CTH: variants seen among roughly 807,000 people sequenced by gnomAD.
CTH encodes the protein cystathionine gamma-lyase.
A neutral mutation model predicts 50.6 loss-of-function variants in CTH; 41 were observed. The observed-to-expected ratio is 0.81, with a 90% CI of 0.63 to 1.05. The LOEUF (loss-of-function observed/expected upper bound fraction) is 1.05. Among genes scored for constraint, CTH ranks in the 50% least tolerant of loss-of-function variants. The probability of loss-of-function intolerance (pLI) is 0.00; values close to 1 mark genes in which losing one functional copy is unlikely to be tolerated. For synonymous variants in CTH, 156 were observed against 168.9 expected, an observed-to-expected ratio of 0.92 and a Z score of 0.59; for missense variants, 470 against 492.6, an observed-to-expected ratio of 0.95 and a Z score of 0.43.
At chr1:70,412,213 A>G (rs1230243516) in intron 1 of CTH, among the ~76,000 whole-genome samples, 1 of 152,210 alleles carries the variant, frequency 6.6e-6, no homozygotes, top group Non-Finnish European at 1.5e-5. Flanking sequence ...TGCTTTAGGA[A>G]CCAACTCCTA....
intron 6 of CTH, 124 bp downstream of exon 6, chr1:70,429,975 A>C (rs555788196): frequency 1.4e-6 from 1 of 710,370 alleles, no homozygotes; most frequent in African/African-American, 1.8e-5. Flanking sequence ...AGAGAGTAAA[A>C]AAAAAAATCC....
rs777723682 is a variant in CTH at position 70,411,546 on chromosome 1, C to T, written c.131C>T (p.Ser44Phe). Reference protein sequence around the residue: ...SRAVVPPISLSTTFKQGAPGQ... With the variant: ...SRAVVPPISLFTTFKQGAPGQ... ...GCTGTAGTGCCCCCCATCTCACTGT[C>T]CACCACGTTCAAGCAAGGGGCGCCT... The change falls in exon 1 of 12, where the codon TCC (serine) becomes TTC (phenylalanine). Residue 44 changes from serine to phenylalanine, a missense_variant. Transcript: ENST00000370938. The T allele has an allele frequency of 1.2e-6, 2 of 1,614,146 alleles. No homozygotes were observed. Among genetic ancestry groups the T allele is most frequent in the East Asian group, 4.5e-5 (2 of 44,884 alleles).
Position 70,432,126 on chromosome 1 carries a change from T to C in CTH, c.768T>C (p.Asn256=). Residue 256 remains asparagine (N), a synonymous_variant, in exon 8 of 12, where the codon AAT becomes AAC. Coordinates refer to ENST00000370938, the MANE Select transcript of CTH (RefSeq NM_001902.6). ...CTCCTATTGATTGTTACCTCTGCAA[T>C]CGAGGTCTGAAGACTCTACATGTCC... ...VPSPIDCYLC[N]RGLKTLHVRM... is the part of the protein sequence containing the mutation. The C allele has an allele frequency of 6.2e-7, 1 of 1,614,150 alleles. No homozygotes were observed. The highest frequency in any genetic ancestry group is 8.5e-7 in the Non-Finnish European group (1 of 1,180,006).
At chr1:70,414,494 CAA>C (rs969405937) in intron 1 of CTH, among the ~76,000 whole-genome samples, 2 of 139,158 alleles carry the variant, frequency 1.4e-5, no homozygotes, top group African/African-American at 2.6e-5. Flanking sequence ...GACTCCCTTT[CAA>C]AAAAAAAAAA....
rs958031563 is a variant in CTH at position 70,438,792 on chromosome 1, T to C, written c.1157T>C (p.Leu386Pro). 1 of 1,613,814 alleles carries C rather than the reference T, an allele frequency of 6.2e-7. No individual in the cohort carries two copies. Among genetic ancestry groups the C allele is most frequent in the Non-Finnish European group, 8.5e-7 (1 of 1,179,988 alleles). The change falls in exon 11 of 12, where the codon CTA becomes CCA. Residue 386 changes from leucine (L) to proline (P), a missense_variant. Leu to Pro is a moderately conservative substitution (Grantham distance 98). Transcript: ENST00000370938. ...LSVGLEDEED[L>P]LEDLDQALKA... ...GTGGGCTTAGAGGATGAGGAAGACC[T>C]ACTGGAAGATCTAGATCAAGCTTTG...
intron 3 of CTH, among the ~76,000 whole-genome samples, chr1:70,419,839 A>C (rs1272596406): frequency 6.6e-6 from 1 of 152,240 alleles, no homozygotes; most frequent in Non-Finnish European, 1.5e-5. Flanking sequence ...AATTTTGTGA[A>C]TATACATATA....
rs1400050175 is a variant in CTH at position 70,438,743 on chromosome 1, A to G, written c.1108A>G (p.Ser370Gly). 10 of 1,614,072 alleles carry G rather than the reference A, an allele frequency of 6.2e-6. No homozygotes were observed. Among genetic ancestry groups the G allele is most frequent in the Non-Finnish European group, 8.5e-6 (10 of 1,180,006 alleles). The change falls in exon 11 of 12, where the codon AGT becomes GGT. Residue 370 changes from serine to glycine, a missense_variant. Transcript: ENST00000370938. ...GAATGACAGAGATGTCCTTGGAATT[A>G]GTGACACACTGATTCGACTTTCTGT... ...LKNDRDVLGI[S>G]DTLIRLSVGL...
At chr1:70,420,883 A>C (rs1684204851) in intron 3 of CTH, among the ~76,000 whole-genome samples, 1 of 152,156 alleles carries the variant, frequency 6.6e-6, no homozygotes. Context: ...ACCTAGGGTC[A>C]GTCTACATAC....
chr1:70,411,867 G>A (rs1447727510), intron 1 of CTH, among the ~76,000 whole-genome samples: 1 of 152,180 alleles, frequency 6.6e-6, no homozygotes, highest in East Asian at 1.9e-4. Context: ...AAAAATCGAA[G>A]GTCATAACTT....
chr1:70,436,754 T>C (rs1481285149), intron 10 of CTH, among the ~76,000 whole-genome samples: 1 of 152,138 alleles, frequency 6.6e-6, no homozygotes, highest in Non-Finnish European at 1.5e-5. Context: ...AGATGCCTGC[T>C]AGTAAGTTTG....
At chr1:70,438,490 T>C (rs549087483) in intron 10 of CTH, among the ~76,000 whole-genome samples, 198 bp from the exon 11 acceptor site, 1 of 152,324 alleles carries the variant, frequency 6.6e-6, no homozygotes, top group East Asian at 1.9e-4. Context: ...ATAAAAACAA[T>C]CTTGCTTTTC....
rs1684128615 is a variant in CTH, at chr1:70,417,919, A to T, written c.251-18A>T. The T allele has an allele frequency of 1.9e-6, 3 of 1,613,734 alleles. No homozygotes were observed. The highest frequency in any genetic ancestry group is 1.7e-6 in the Non-Finnish European group (2 of 1,179,904). On this transcript the variant is annotated intron_variant, in intron 2 of 11. Coordinates refer to ENST00000370938, the MANE Select transcript of CTH (RefSeq NM_001902.6). ...AGGCCTGACTTTTCAGCTTACTCTA[A>T]CTTGATTTTTATTTTAGGTTTGGCC...
At chr1:70,424,835 A>C (rs1036316879) in intron 5 of CTH, among the ~76,000 whole-genome samples, 1 of 152,094 alleles carries the variant, frequency 6.6e-6, no homozygotes, top group Non-Finnish European at 1.5e-5. Context: ...AGGCTGAGGC[A>C]GGAGAATGGC....
chr1:70,418,145 T>A (rs1684133850), intron 3 of CTH, 113 bp downstream of exon 3: 5 of 1,324,488 alleles, frequency 3.8e-6, no homozygotes, highest in Non-Finnish European at 5.3e-6. Flanking sequence ...TATTATAGTT[T>A]ACAGGTGTGA....
chr1:70,428,369 A>G (rs993849415), intron 5 of CTH, among the ~76,000 whole-genome samples: 2 of 152,140 alleles, frequency 1.3e-5, no homozygotes, highest in Non-Finnish European at 2.9e-5. Flanking sequence ...GTATATATCA[A>G]AATAGGAGAG....
intron 2 of CTH, 115 bp from the exon 3 acceptor site, chr1:70,417,822 A>G (rs1684126461): frequency 2.8e-6 from 3 of 1,065,916 alleles, no homozygotes; most frequent in African/African-American, 1.6e-5. Flanking sequence ...GCCTCTAGCA[A>G]CTCAGCAGTG....
chr1:70,423,813 GT>G (rs1475405386), intron 4 of CTH, among the ~76,000 whole-genome samples: 1 of 152,032 alleles, frequency 6.6e-6, no homozygotes, highest in Non-Finnish European at 1.5e-5. Flanking sequence ...TTATTCTATA[GT>G]TTCTAGAGTT....
At chr1:70,416,538 G>A (rs894860216) in intron 2 of CTH, among the ~76,000 whole-genome samples, 1 of 149,422 alleles carries the variant, frequency 6.7e-6, no homozygotes, top group African/African-American at 2.5e-5. Context: ...GATTGCAGGT[G>A]TGCACCACCA....
chr1:70,432,668 G>C (rs1012523457), intron 8 of CTH, among the ~76,000 whole-genome samples: 18 of 148,160 alleles, frequency 1.2e-4, no homozygotes, highest in Admixed American at 3.5e-4. Flanking sequence ...ATTCCCCTGA[G>C]GTTCTCTCTC....
Sources: allele counts gnomAD v4.1 joint callset (sites outside exome capture counted in the v4.1 genomes callset), GRCh38; gene constraint gnomAD v4.1.1; transcripts MANE v1.5; gene names NCBI Gene and HGNC (gene_info 2026-07-23, HGNC 2026-07-21).